DPY19L1: variants seen among roughly 807,000 people sequenced by gnomAD.
DPY19L1 encodes the protein protein C-mannosyl-transferase DPY19L1.
A neutral mutation model predicts 96.9 loss-of-function variants in DPY19L1; 35 were observed. The observed-to-expected ratio is 0.36, with a 90% confidence interval of 0.28 to 0.48. The LOEUF (loss-of-function observed/expected upper bound fraction) is 0.48, where lower values mean the gene tolerates loss of function less well. Among genes scored for constraint, DPY19L1 ranks in the 20% least tolerant of loss-of-function variants. The probability of loss-of-function intolerance (pLI) is 0.99; values close to 1 mark genes in which losing one functional copy is unlikely to be tolerated. For missense variants in DPY19L1, 521 were observed against 777.9 expected, an observed-to-expected ratio of 0.67 and a Z score of 3.93; for synonymous variants, 205 against 252.6, an observed-to-expected ratio of 0.81 and a Z score of 1.79.
At chr7:35,012,141 T>C (rs1785726737) in intron 4 of DPY19L1, among the ~76,000 whole-genome samples, 1 of 152,170 alleles carries the variant, frequency 6.6e-6, no homozygotes, top group Non-Finnish European at 1.5e-5. Flanking sequence ...TGACATCCCC[T>C]ACCCACGGGC....
chr7:35,024,782 T>C (rs965247205), intron 1 of DPY19L1, among the ~76,000 whole-genome samples: 1 of 152,238 alleles, frequency 6.6e-6, no homozygotes, highest in Non-Finnish European at 1.5e-5. Context: ...CTAGCTATAA[T>C]ACCACGATTA....
At chr7:34,949,704 C>T in intron 14 of DPY19L1, 93 bp downstream of exon 14, 12 of 768,252 alleles carry the variant, frequency 1.6e-5, no homozygotes. Flanking sequence ...ACTGAGATAA[C>T]AGCACATAAA....
rs147619798 is a variant in DPY19L1, at chr7:34,939,880, T to C, written c.1864+273A>G. Among the ~76,000 whole-genome samples, 266 of 152,302 alleles carry C rather than the reference T, an allele frequency of 1.7e-3. 2 individuals are homozygous for C. Among genetic ancestry groups the C allele is most frequent in the African/African-American group, 6.0e-3 (248 of 41,570 alleles). The stretch of plus-strand genomic sequence containing the variant: ...TAAGCACAGGAAAAATTATTTTAAA[T>C]GTGGCATTTATGACTGTGAATAAAT... On this transcript the variant is annotated intron_variant, in intron 19 of 21. Transcript: ENST00000638088.
intron 14 of DPY19L1, among the ~76,000 whole-genome samples, chr7:34,948,980 T>C (rs1257050329): frequency 2.0e-5 from 3 of 152,102 alleles, no homozygotes; most frequent in Non-Finnish European, 2.9e-5. Flanking sequence ...GCTAACACAG[T>C]GGGATCATGA....
At chr7:34,973,382 C>A (rs1784767295) in intron 8 of DPY19L1, 132 bp downstream of exon 8, 1 of 474,854 alleles carries the variant, frequency 2.1e-6, no homozygotes, top group Non-Finnish European at 3.5e-6. Context: ...AAGTTACACT[C>A]TTATAATATT....
chr7:34,974,939 T>G (rs559875067), intron 7 of DPY19L1, among the ~76,000 whole-genome samples: 1 of 152,308 alleles, frequency 6.6e-6, no homozygotes, highest in East Asian at 1.9e-4. Flanking sequence ...CTATTCTAAT[T>G]GCCTTAGGTG....
chr7:34,956,282 T>C (rs1190231298), intron 11 of DPY19L1, among the ~76,000 whole-genome samples: 2 of 152,186 alleles, frequency 1.3e-5, no homozygotes, highest in East Asian at 1.9e-4. Context: ...AAAATACATA[T>C]GTAAAATATA....
chr7:34,940,791 G>C (rs1783993727), intron 18 of DPY19L1: 1 of 163,998 alleles, frequency 6.1e-6, no homozygotes, highest in African/African-American at 2.4e-5. Flanking sequence ...TGCGGGTTTT[G>C]CTATTTTTAA....
At chr7:34,940,117 A>AATT in intron 19 of DPY19L1, 36 bp downstream of exon 19, 1 of 1,453,540 alleles carries the variant, frequency 6.9e-7, no homozygotes, top group Non-Finnish European at 9.0e-7. Context: ...AAACAGCTAA[A>AATT]TAATATGACT....
At chr7:34,962,444 G>A (rs571645735) in intron 10 of DPY19L1, among the ~76,000 whole-genome samples, 1,845 of 152,302 alleles carry the variant, frequency 0.012, 10 homozygotes, top group Middle Eastern at 0.021. Flanking sequence ...GGGTTAGGGG[G>A]AAGGAGGGAT....
At chr7:34,949,472 T>C (rs1345270952) in intron 14 of DPY19L1, among the ~76,000 whole-genome samples, 2 of 152,170 alleles carry the variant, frequency 1.3e-5, no homozygotes. Context: ...AACCACAAAA[T>C]GAGTGGAAAT....
At chr7:34,939,970 T>TC (rs1457488529) in intron 19 of DPY19L1, among the ~76,000 whole-genome samples, 183 bp downstream of exon 19, 1 of 152,206 alleles carries the variant, frequency 6.6e-6, no homozygotes, top group Non-Finnish European at 1.5e-5. Context: ...GTATAACATT[T>TC]CCCCTGCAAA....
intron 1 of DPY19L1, among the ~76,000 whole-genome samples, chr7:35,036,110 G>A (rs1402964724): frequency 6.6e-6 from 1 of 152,080 alleles, no homozygotes; most frequent in African/African-American, 2.4e-5. Context: ...GTGATCTCAG[G>A]GGAAGCCAAT....
At chr7:35,016,989 T>A (rs1427579068) in intron 3 of DPY19L1, among the ~76,000 whole-genome samples, 1 of 151,248 alleles carries the variant, frequency 6.6e-6, no homozygotes, top group Admixed American at 6.6e-5. Context: ...TTCAAACACA[T>A]CAACTGTTTT....
chr7:34,934,647 T>G (rs1363486324), intron 21 of DPY19L1, among the ~76,000 whole-genome samples: 1 of 152,156 alleles, frequency 6.6e-6, no homozygotes, highest in African/African-American at 2.4e-5. Flanking sequence ...GCGATGGTTT[T>G]GGGATGAAAT....
At chr7:35,015,174 T>G (rs148856849) in intron 3 of DPY19L1, among the ~76,000 whole-genome samples, 2 of 152,170 alleles carry the variant, frequency 1.3e-5, no homozygotes, top group African/African-American at 4.8e-5. Flanking sequence ...TGGAAACATA[T>G]GTTTAATTAT....
At chr7:34,944,611 G>A (rs539748926) in intron 16 of DPY19L1, among the ~76,000 whole-genome samples, 1 of 151,990 alleles carries the variant, frequency 6.6e-6, no homozygotes, top group South Asian at 2.1e-4. Flanking sequence ...CACACACACT[G>A]GCAATTTTAA....
intron 10 of DPY19L1, among the ~76,000 whole-genome samples, chr7:34,965,663 T>C (rs1784594556): frequency 6.6e-6 from 1 of 152,172 alleles, no homozygotes; most frequent in African/African-American, 2.4e-5. Context: ...AATGTTCTTT[T>C]ATATGTATAA....
chr7:34,975,555 A>G (rs905674586), intron 7 of DPY19L1, among the ~76,000 whole-genome samples: 3 of 152,240 alleles, frequency 2.0e-5, no homozygotes, highest in African/African-American at 7.2e-5. Context: ...AGTTATCCAG[A>G]AGATCTAGCT....
Sources: gnomAD v4.1 joint callset for allele counts (sites outside exome capture counted in the v4.1 genomes callset) on GRCh38, gnomAD v4.1.1 for gene constraint, MANE v1.5 for transcripts, NCBI Gene and HGNC (gene_info 2026-07-23, HGNC 2026-07-21) for gene names.